Variants in RFC5 observed in about 807,000 individuals in gnomAD.
RFC5 encodes the protein replication factor C subunit 5.
Under a neutral mutation model 44.3 loss-of-function variants are expected in RFC5, and 26 were observed. That is an observed-to-expected ratio of 0.59 (90% CI 0.43 to 0.81). The LOEUF is 0.81. Among genes scored for constraint, RFC5 ranks in the 40% least tolerant of loss-of-function variants. The probability of loss-of-function intolerance (pLI) is 0.00; values close to 1 mark genes in which losing one functional copy is unlikely to be tolerated. For missense variants in RFC5, 328 were observed against 418.6 expected, an observed-to-expected ratio of 0.78 and a Z score of 1.89; for synonymous variants, 155 against 155.2, an observed-to-expected ratio of 1.00 and a Z score of 0.01.
intron 6 of RFC5, 172 bp downstream of exon 6, chr12:118,025,182 G>T: frequency 1.9e-6 from 1 of 521,070 alleles, no homozygotes; most frequent in Non-Finnish European, 3.3e-6. Context: ...GCTGTCTCAA[G>T]GCCATTCCTC....
rs749563390 is a variant in RFC5 at position 118,024,982 on chromosome 12, C to T, written c.553C>T (p.Arg185Cys). 83 of 1,613,686 alleles carry T rather than the reference C, an allele frequency of 5.1e-5. No individual in the cohort carries two copies. The highest frequency in any genetic ancestry group is 8.0e-5 in the African/African-American group (6 of 74,858). Residue 185 changes from arginine (R) to cysteine (C), a missense_variant, in exon 6 of 11, where the codon CGC becomes TGC. Transcript: ENST00000454402. ...CCTGACTCCTGAACTCATGGTTCCC[C>T]GCCTGGAACATGTCGTGGAAGAAGA... ...GPLTPELMVP[R>C]LEHVVEEEKV...
chr12:118,029,757 T>C lies in RFC5; in HGVS notation c.872-14T>C. The C allele has an allele frequency of 6.3e-7, 1 of 1,590,330 alleles. No individual in the cohort carries two copies. The highest frequency in any genetic ancestry group is 8.6e-7 in the Non-Finnish European group (1 of 1,158,464). The stretch of plus-strand genomic sequence containing the variant: ...GAGAGTGACCTAACTCATTTGATTT[T>C]GTTTTTCCCTCAGTTGACTTTCCAT... On this transcript the variant is annotated splice_polypyrimidine_tract_variant and intron_variant, in intron 9 of 10. Transcript: ENST00000454402.
the RFC5 span, among the ~76,000 whole-genome samples, chr12:118,041,322 G>A: frequency 1.3e-5 from 2 of 152,204 alleles, no homozygotes; most frequent in African/African-American, 2.4e-5. Context: ...AGATGAGGAT[G>A]CAGAGAGAAG....
Position 118,016,768 on chromosome 12 carries a change from G to C in RFC5, c.-60G>C. ...CAGGGTCAGGTCGCGGCTGGTCACT[G>C]TGCAGGCGCTTGGGTGACGCGACGA... On this transcript the variant is annotated 5_prime_UTR_variant, in exon 1 of 11. Coordinates refer to ENST00000454402, the MANE Select transcript of RFC5 (RefSeq NM_007370.7). 1.4e-6 allele frequency: 2 copies of C among 1,450,784 alleles called. No individual in the cohort carries two copies. The highest frequency in any genetic ancestry group is 1.9e-6 in the Non-Finnish European group (2 of 1,050,556). The allele number at this position is 1,450,784 out of a possible 1,614,324, so 89.9% of individuals were successfully genotyped here. A position where few individuals can be genotyped will look rare whatever the true frequency, so the allele number is the denominator to read the frequency against.
chr12:118,038,152 G>T, the RFC5 span: 3 of 677,178 alleles, frequency 4.4e-6, no homozygotes, highest in Non-Finnish European at 7.0e-6. Context: ...ACTTTTGCAG[G>T]TGGTGGCCAT....
In RFC5 at chr12:118,016,718, G is replaced by C; in HGVS notation, c.-110G>C. 1 of 879,328 alleles carries C rather than the reference G, an allele frequency of 1.1e-6. No homozygotes were observed. Among genetic ancestry groups the C allele is most frequent in the Admixed American group, 2.2e-5 (1 of 45,448 alleles). The allele number at this position is 879,328 out of a possible 1,614,324, so 54.5% of individuals were successfully genotyped here. A position where few individuals can be genotyped will look rare whatever the true frequency, so the allele number is the denominator to read the frequency against. On this transcript the variant is annotated 5_prime_UTR_variant, in exon 1 of 11. Transcript: ENST00000454402. ...CGCGTCTCGCGAGAGTTGCTTTTGC[G>C]CGCGAACTGTAAGTGCCAGGGTCTC... is the stretch of plus-strand genomic sequence containing the variant.
chr12:118,037,100 T>G (rs760175175), downstream of RFC5, among the ~76,000 whole-genome samples: 14 of 152,128 alleles, frequency 9.2e-5, no homozygotes, highest in Non-Finnish European at 1.2e-4. Flanking sequence ...AAGAATCACT[T>G]GAGCCTGGTA....
chr12:118,024,136 T>C (rs892882982), intron 5 of RFC5, among the ~76,000 whole-genome samples: 4 of 151,920 alleles, frequency 2.6e-5, no homozygotes, highest in Non-Finnish European at 5.9e-5. Context: ...GGTCAGGAGA[T>C]CGAGACCATC....
chr12:118,039,980 G>T, the RFC5 span, among the ~76,000 whole-genome samples: 33,500 of 151,756 alleles, frequency 0.22, 4,379 homozygotes, highest in East Asian at 0.33. Context: ...TCCTGACCTC[G>T]AGTGATCCGC....
chr12:118,018,128 G>C, intron 1 of RFC5: 1 of 645,946 alleles, frequency 1.5e-6, no homozygotes, highest in Admixed American at 2.2e-5. Context: ...CAAGGTTCAT[G>C]CATGTTGCTG....
At chr12:118,034,894 C>T, downstream of RFC5, 1 of 1,262,216 alleles carries the variant, frequency 7.9e-7, no homozygotes, top group Non-Finnish European at 1.1e-6. Flanking sequence ...TCCTCATAGG[C>T]AAGAAAATTC....
At chr12:118,034,381 G>C, downstream of RFC5, 1 of 1,610,678 alleles carries the variant, frequency 6.2e-7, no homozygotes, top group South Asian at 1.1e-5. Flanking sequence ...AGAAACCGAT[G>C]CTAAGACAGA....
chr12:118,027,711 T>G (rs187951264), intron 8 of RFC5, among the ~76,000 whole-genome samples: 77 of 151,428 alleles, frequency 5.1e-4, no homozygotes, highest in African/African-American at 1.8e-3. Context: ...GAAAACGCAG[T>G]TGGCTTTATT....
the RFC5 span, among the ~76,000 whole-genome samples, chr12:118,040,788 C>G: frequency 6.6e-6 from 1 of 152,216 alleles, no homozygotes; most frequent in East Asian, 1.9e-4. Flanking sequence ...TGGCTCACGC[C>G]TGTAATCCCA....
chr12:118,025,889 C>A, intron 7 of RFC5, 61 bp downstream of exon 7: 1 of 1,066,650 alleles, frequency 9.4e-7, no homozygotes, highest in Non-Finnish European at 1.4e-6. Context: ...TGCTCTGTCG[C>A]TCAGGCTGGA....
At chr12:118,034,584 T>TCTCTCTCTCTCTCTCTCTCTCTCTC (rs33933604), downstream of RFC5, 14 of 521,674 alleles carry the variant, frequency 2.7e-5, no homozygotes, top group Non-Finnish European at 4.2e-5. Flanking sequence ...GCTCTCTCTG[T>TCTCTCTCTCTCTCTCTCTCTCTCTC]CTCTCTCTCG....
chr12:118,024,217 T>C (rs556909096), intron 5 of RFC5, among the ~76,000 whole-genome samples: 4 of 151,794 alleles, frequency 2.6e-5, no homozygotes, highest in Non-Finnish European at 4.4e-5. Flanking sequence ...GGCACGTGTC[T>C]GTAGTCCCAG....
intron 9 of RFC5, among the ~76,000 whole-genome samples, chr12:118,028,349 G>A (rs139921093): frequency 1.1e-4 from 17 of 152,160 alleles, no homozygotes; most frequent in Non-Finnish European, 2.1e-4. Flanking sequence ...GCCTGGCATG[G>A]TGGCGCACGC....
In RFC5 at chr12:118,021,830, G is replaced by A. The variant is rs186443082; in HGVS notation, c.348-456G>A. Among the ~76,000 whole-genome samples, 316 of 152,126 alleles carry A rather than the reference G, an allele frequency of 2.1e-3. 2 individuals are homozygous for A. Among genetic ancestry groups the A allele is most frequent in the African/African-American group, 6.9e-3 (287 of 41,506 alleles). ...AAATTATCTGGGCATGGTGGTGGGC[G>A]CCTGTAATCCCAGCCACTCAGGAGG... On this transcript the variant is annotated intron_variant, in intron 4 of 10. Coordinates refer to ENST00000454402, the MANE Select transcript of RFC5 (RefSeq NM_007370.7).
Sources: gnomAD v4.1 joint callset for allele counts (sites outside exome capture counted in the v4.1 genomes callset) on GRCh38, gnomAD v4.1.1 for gene constraint, MANE v1.5 for transcripts, NCBI Gene and HGNC (gene_info 2026-07-23, HGNC 2026-07-21) for gene names.